SCCPDH: variants seen among roughly 807,000 people sequenced by gnomAD.
The protein encoded by SCCPDH is saccharopine dehydrogenase-like oxidoreductase.
Under a neutral mutation model 51.5 loss-of-function variants are expected in SCCPDH, and 34 were observed. That is an observed-to-expected ratio of 0.66 (90% confidence interval 0.50 to 0.88). The LOEUF is 0.88. Ranked by LOEUF, SCCPDH falls within the 40% of genes least tolerant of loss-of-function variation. The pLI is 0.00. For synonymous variants in SCCPDH, 187 were observed against 191.3 expected, an observed-to-expected ratio of 0.98 and a Z score of 0.19; for missense variants, 464 against 527.1, an observed-to-expected ratio of 0.88 and a Z score of 1.17.
chr1:246,736,447 C>A (rs957963089), intron 3 of SCCPDH, among the ~76,000 whole-genome samples: 1 of 152,090 alleles, frequency 6.6e-6, no homozygotes, highest in Non-Finnish European at 1.5e-5. Context: ...CACACCTGCA[C>A]TCCCAGCACT....
intron 11 of SCCPDH, 77 bp from the exon 12 acceptor site, chr1:246,767,118 A>G (rs536766086): frequency 1.0e-6 from 1 of 961,924 alleles, no homozygotes; most frequent in Non-Finnish European, 1.5e-6. Context: ...TTCTGTAGCA[A>G]TTTGATAGTG....
intron 4 of SCCPDH, among the ~76,000 whole-genome samples, chr1:246,742,756 C>T (rs1168902108): frequency 6.6e-6 from 1 of 152,110 alleles, no homozygotes. Context: ...AACATTGTCT[C>T]TTAAGGAATG....
intron 4 of SCCPDH, among the ~76,000 whole-genome samples, chr1:246,740,941 G>A (rs979809916): frequency 2.0e-5 from 3 of 152,062 alleles, no homozygotes; most frequent in African/African-American, 7.2e-5. Flanking sequence ...TTAGCCAGGT[G>A]TGGTGGTGCA....
At chr1:246,748,174 A>T (rs1420717359) in intron 5 of SCCPDH, among the ~76,000 whole-genome samples, 2 of 152,124 alleles carry the variant, frequency 1.3e-5, no homozygotes, top group Non-Finnish European at 2.9e-5. Context: ...GGTTTTAGTT[A>T]GTGCTGCATC....
chr1:246,748,114 T>C (rs1668789729), intron 5 of SCCPDH, among the ~76,000 whole-genome samples: 1 of 152,128 alleles, frequency 6.6e-6, no homozygotes, highest in African/African-American at 2.4e-5. Context: ...CTCGACTTTA[T>C]CCTCTAAAAG....
At chr1:246,763,249 A>T (rs12117138) in intron 9 of SCCPDH, among the ~76,000 whole-genome samples, 5,496 of 152,198 alleles carry the variant, frequency 0.036, 139 homozygotes, top group Non-Finnish European at 0.049. Context: ...TTCATTTTTC[A>T]TCCAACTTTG....
rs981720070 is a variant in SCCPDH at position 246,756,019 on chromosome 1, G to A, written c.565-2207G>A. ...TTAGATGGATTGTGGATGCCCTCAC[G>A]GTTGGGAATGGCTTTTACAAAAAGA... is the stretch of plus-strand genomic sequence containing the variant. On this transcript the variant is annotated intron_variant, in intron 5 of 11. Transcript: ENST00000366510. Among the ~76,000 whole-genome samples the A allele has an allele frequency of 4.6e-5, 7 of 152,282 alleles. No homozygotes were observed. The East Asian group carries it at 7.7e-4, about 17-fold the overall frequency.
intron 5 of SCCPDH, among the ~76,000 whole-genome samples, chr1:246,745,787 G>A (rs989327235): frequency 6.6e-6 from 1 of 152,180 alleles, no homozygotes; most frequent in African/African-American, 2.4e-5. Flanking sequence ...ACAAGCCACA[G>A]ACAAAACCCC....
At chr1:246,734,766 G>T (rs964393793) in intron 2 of SCCPDH, among the ~76,000 whole-genome samples, 1 of 152,224 alleles carries the variant, frequency 6.6e-6, no homozygotes, top group Non-Finnish European at 1.5e-5. Flanking sequence ...TAAAGCAGAG[G>T]AGTTTGTGCT....
At chr1:246,752,822 T>C (rs1191304464) in intron 5 of SCCPDH, among the ~76,000 whole-genome samples, 1 of 152,256 alleles carries the variant, frequency 6.6e-6, no homozygotes. Flanking sequence ...CCTCTGGAAT[T>C]AACAGAAATT....
At chr1:246,738,453 A>G (rs549226997) in intron 3 of SCCPDH, among the ~76,000 whole-genome samples, 4 of 149,132 alleles carry the variant, frequency 2.7e-5, no homozygotes, top group East Asian at 2.0e-4. Context: ...GGAGGTTGCA[A>G]TGAGCCAAGA....
At chr1:246,749,230 C>T (rs1668815170) in intron 5 of SCCPDH, among the ~76,000 whole-genome samples, 1 of 152,242 alleles carries the variant, frequency 6.6e-6, no homozygotes, top group South Asian at 2.1e-4. Context: ...GCCTGTTGCA[C>T]AAGCATAACC....
chr1:246,760,110 A>G lies in SCCPDH; in HGVS notation c.933+34A>G, dbSNP rs777126082. Reference sequence around the variant, plus strand: ...GATTTTATGAAATTAGATTATTTTTATTAGAAGTATTTTCCATGAGTTTTA... The same window carrying G: ...GATTTTATGAAATTAGATTATTTTTGTTAGAAGTATTTTCCATGAGTTTTA... On this transcript the variant is annotated intron_variant, in intron 8 of 11. Transcript: ENST00000366510. 6.3e-6 allele frequency: 10 copies of G among 1,597,108 alleles called. No homozygotes were observed. In the South Asian group the frequency reaches 1.1e-4, roughly 18 times the overall value.
intron 5 of SCCPDH, among the ~76,000 whole-genome samples, chr1:246,746,107 C>CAAAAAAAAAA (rs756929255): frequency 6.3e-5 from 5 of 79,586 alleles, no homozygotes; most frequent in African/African-American, 2.1e-4. Flanking sequence ...GACTCCATCT[C>CAAAAAAAAAA]AAAAAAAAAA....
intron 4 of SCCPDH, among the ~76,000 whole-genome samples, chr1:246,743,539 C>T (rs990238230): frequency 3.3e-5 from 5 of 151,430 alleles, no homozygotes; most frequent in South Asian, 4.2e-4. Flanking sequence ...GCCGAGATCA[C>T]GCCACTGCAC....
intron 10 of SCCPDH, among the ~76,000 whole-genome samples, 192 bp downstream of exon 10, chr1:246,764,549 C>T (rs1302735859): frequency 6.6e-6 from 1 of 152,070 alleles, no homozygotes; most frequent in African/African-American, 2.4e-5. Flanking sequence ...TTAGTGCATC[C>T]CTCCCTCTGG....
At chr1:246,734,201 A>C (rs1668536530) in intron 2 of SCCPDH, among the ~76,000 whole-genome samples, 1 of 152,182 alleles carries the variant, frequency 6.6e-6, no homozygotes, top group African/African-American at 2.4e-5. Context: ...GGGGTGAAAT[A>C]ACTTAAGAAC....
At chr1:246,727,142 C>A (rs560128062) in intron 2 of SCCPDH, 138 bp downstream of exon 2, 2 of 665,982 alleles carry the variant, frequency 3.0e-6, no homozygotes, top group Non-Finnish European at 2.6e-6. Context: ...TTTCTTCTTG[C>A]GAGGAGCAGC....
At chr1:246,765,508 T>G (rs1424155958) in intron 10 of SCCPDH, among the ~76,000 whole-genome samples, 1 of 152,262 alleles carries the variant, frequency 6.6e-6, no homozygotes, top group Non-Finnish European at 1.5e-5. Context: ...GGATTATAAA[T>G]GCTAATGTTC....
Sources: gnomAD v4.1 joint callset for allele counts (sites outside exome capture counted in the v4.1 genomes callset) on GRCh38, gnomAD v4.1.1 for gene constraint, MANE v1.5 for transcripts, NCBI Gene and HGNC (gene_info 2026-07-23, HGNC 2026-07-21) for gene names.